AKAP10: variants seen among roughly 807,000 people sequenced by gnomAD.
The protein encoded by AKAP10 is A-kinase anchoring protein 10, also known as A-kinase anchor protein 10, mitochondrial.
Under a neutral mutation model 80.8 loss-of-function variants are expected in AKAP10, and 24 were observed. The ratio of observed to expected loss-of-function variants is 0.30; its 90% CI spans 0.22 to 0.42. AKAP10 has a LOEUF of 0.42. Ranked by LOEUF, AKAP10 falls within the 10% of genes least tolerant of loss-of-function variation. The probability of loss-of-function intolerance (pLI) is 1.00; values close to 1 mark genes in which losing one functional copy is unlikely to be tolerated. For missense variants in AKAP10, 661 were observed against 794.9 expected (o/e 0.83, Z 2.03); for synonymous variants, 291 against 277.7 (o/e 1.05, Z -0.48).
Position 19,924,511 on chromosome 17 carries a change from C to A in AKAP10, c.1648G>T (p.Val550Leu). Residue 550 changes from valine (V) to leucine (L), a missense_variant, in exon 11 of 15, where the codon GTG becomes TTG. Physicochemically the swap from Val to Leu is conservative, Grantham distance 32. Coordinates refer to ENST00000225737, the MANE Select transcript of AKAP10 (RefSeq NM_007202.4). ...SSDSSASQSS[V>L]KKASIKILKN... ...AGTATTTTAATACTGGCTTTTTTCA[C>A]ACTGGACTACAATAGAAATTGTAAA... The A allele has an allele frequency of 6.3e-7, 1 of 1,588,054 alleles. No individual in the cohort carries two copies.
At chr17:19,974,328 CG>C (rs1378842684) in intron 1 of AKAP10, among the ~76,000 whole-genome samples, 11 of 152,168 alleles carry the variant, frequency 7.2e-5, no homozygotes, top group African/African-American at 1.9e-4. Flanking sequence ...TTGTCCATCC[CG>C]CGGCCCAGGA....
rs548243247 is a variant in AKAP10, at chr17:19,939,785, G to A, written c.1250C>T (p.Ser417Phe). 3 of 1,613,824 alleles carry A rather than the reference G, an allele frequency of 1.9e-6. No individual in the cohort carries two copies. Among genetic ancestry groups the A allele is most frequent in the Non-Finnish European group, 2.5e-6 (3 of 1,179,986 alleles). The change falls in exon 8 of 15, where the codon TCT (serine) becomes TTT (phenylalanine). Residue 417 changes from serine to phenylalanine, a missense_variant. Coordinates refer to ENST00000225737, the MANE Select transcript of AKAP10 (RefSeq NM_007202.4). ...TTGGCCCTTTTTGGCAGCAAGCTGA[G>A]ACTGGAAGTTATCTGCTGCCAACCA... ...QFWLAADNFQ[S>F]QLAAKKGQYD...
At chr17:19,968,962 A>C (rs2043459412) in intron 1 of AKAP10, among the ~76,000 whole-genome samples, 1 of 152,220 alleles carries the variant, frequency 6.6e-6, no homozygotes, top group African/African-American at 2.4e-5. Context: ...TAGTGAAGAA[A>C]GGTCTTTGGT....
intron 10 of AKAP10, among the ~76,000 whole-genome samples, chr17:19,930,741 T>C (rs1023989851): frequency 6.6e-6 from 1 of 152,116 alleles, no homozygotes; most frequent in Non-Finnish European, 1.5e-5. Flanking sequence ...AGATGGAGTC[T>C]CACTCTGTCA....
At chr17:19,943,177 T>G (rs1380026863) in intron 5 of AKAP10, among the ~76,000 whole-genome samples, 8 of 152,146 alleles carry the variant, frequency 5.3e-5, no homozygotes, top group Admixed American at 5.2e-4. Flanking sequence ...GCCTGAGACA[T>G]TGCAACTGGC....
Position 19,931,610 on chromosome 17 carries a change from C to T in AKAP10, c.1641+195G>A, listed in dbSNP as rs181639293. ...TTCACCATGTCGGCCAGGCTGGTCT[C>T]GAATTCCTGACCTCGTGTGATCCGC... On this transcript the variant is annotated intron_variant, in intron 10 of 14. Transcript: ENST00000225737. Among the ~76,000 whole-genome samples the T allele has an allele frequency of 4.9e-3, 751 of 152,080 alleles. 3 individuals carry two copies. The highest frequency in any genetic ancestry group is 7.7e-3 in the Non-Finnish European group (521 of 67,982).
At position 19,924,450 on chromosome 17, in the gene AKAP10, G is replaced by T; in HGVS notation, c.1709C>A (p.Ala570Glu). 2 of 1,607,310 alleles carry T rather than the reference G, an allele frequency of 1.2e-6. No individual in the cohort carries two copies. Among genetic ancestry groups the T allele is most frequent in the Non-Finnish European group, 1.7e-6 (2 of 1,176,080 alleles). The change falls in exon 11 of 15, where the codon GCA (alanine) becomes GAA (glutamate). Residue 570 changes from alanine to glutamate, a missense_variant. By Grantham distance (107) the Ala-to-Glu change is moderately radical. Coordinates refer to ENST00000225737, the MANE Select transcript of AKAP10 (RefSeq NM_007202.4). ...NFDEAIIVDA[A>E]SLDPESLYQR... ...ATATAAAGATTCTGGATCCAGACTT[G>T]CCGCATCCACAATTATCGCTTCATC...
chr17:19,974,270 G>T (rs1437681973), intron 1 of AKAP10, among the ~76,000 whole-genome samples: 1 of 152,158 alleles, frequency 6.6e-6, no homozygotes, highest in Non-Finnish European at 1.5e-5. Flanking sequence ...ACTAAATCTG[G>T]CATAAAATTT....
Position 19,919,859 on chromosome 17 carries a change from T to C in AKAP10, c.1834+177A>G, listed in dbSNP as rs112969609. Among the ~76,000 whole-genome samples, 965 of 152,270 alleles carry C rather than the reference T, an allele frequency of 6.3e-3. 4 individuals carry two copies. The highest frequency in any genetic ancestry group is 0.017 in the African/African-American group (717 of 41,550). On this transcript the variant is annotated intron_variant, in intron 12 of 14. Coordinates refer to ENST00000225737, the MANE Select transcript of AKAP10 (RefSeq NM_007202.4). Reference sequence around the variant, plus strand: ...TCACTAACTTTTGATTCAGAGGAGATTGCATAAAGATGTGACTACAGGAAG... The same window carrying C: ...TCACTAACTTTTGATTCAGAGGAGACTGCATAAAGATGTGACTACAGGAAG...
intron 5 of AKAP10, 73 bp from the exon 6 acceptor site, chr17:19,941,983 G>C: frequency 7.5e-7 from 1 of 1,337,024 alleles, no homozygotes. Flanking sequence ...GAATCAACTT[G>C]GGAGTTAACA....
intron 4 of AKAP10, among the ~76,000 whole-genome samples, chr17:19,949,555 AG>A (rs1274026335): frequency 2.0e-5 from 3 of 151,424 alleles, no homozygotes; most frequent in African/African-American, 7.3e-5. Flanking sequence ...GCGAATCACA[AG>A]GTCAAGAAAT....
chr17:19,946,897 A>G (rs2152415736), intron 5 of AKAP10, among the ~76,000 whole-genome samples: 1 of 152,294 alleles, frequency 6.6e-6, no homozygotes, highest in South Asian at 2.1e-4. Context: ...CGTCAGGCCC[A>G]CTGAGAAGTG....
intron 10 of AKAP10, among the ~76,000 whole-genome samples, chr17:19,928,094 C>T: frequency 6.8e-6 from 1 of 147,808 alleles, no homozygotes; most frequent in East Asian, 2.0e-4. Context: ...CTGGCAGGTG[C>T]CTGAAATGTA....
At chr17:19,957,895 A>G in intron 4 of AKAP10, 119 bp downstream of exon 4, 1 of 1,084,736 alleles carries the variant, frequency 9.2e-7, no homozygotes. Context: ...CAAATTTACA[A>G]GTAGTTAGAG....
intron 3 of AKAP10, 55 bp downstream of exon 3, chr17:19,962,785 C>T: frequency 6.5e-7 from 1 of 1,537,240 alleles, no homozygotes; most frequent in South Asian, 1.2e-5. Flanking sequence ...AGAAGTTTCA[C>T]ATATTGTACT....
At chr17:19,906,688 A>G (rs2042634761) in intron 14 of AKAP10, among the ~76,000 whole-genome samples, 1 of 152,192 alleles carries the variant, frequency 6.6e-6, no homozygotes, top group Non-Finnish European at 1.5e-5. Flanking sequence ...GGCATGGGAC[A>G]TGTGCACATG....
chr17:19,935,139 G>A (rs1317725892), intron 9 of AKAP10, among the ~76,000 whole-genome samples: 1 of 152,138 alleles, frequency 6.6e-6, no homozygotes, highest in African/African-American at 2.4e-5. Flanking sequence ...TGGCTATATG[G>A]TACAACCTAT....
chr17:19,916,226 T>C (rs1404797227), intron 12 of AKAP10, among the ~76,000 whole-genome samples: 3 of 152,186 alleles, frequency 2.0e-5, no homozygotes, highest in Admixed American at 6.6e-5. Context: ...CACTCCCTAC[T>C]ACTCTCTCCC....
At chr17:19,936,561 T>C (rs2152413779) in intron 8 of AKAP10, 131 bp from the exon 9 acceptor site, 1 of 861,444 alleles carries the variant, frequency 1.2e-6, no homozygotes, top group South Asian at 1.9e-5. Flanking sequence ...TAGAGCTATG[T>C]GATGACAGTG....
Sources: allele counts gnomAD v4.1 joint callset (sites outside exome capture counted in the v4.1 genomes callset), GRCh38; gene constraint gnomAD v4.1.1; transcripts MANE v1.5; gene names NCBI Gene and HGNC (gene_info 2026-07-23, HGNC 2026-07-21).